The following ITGA11 variants were observed in gnomAD, a reference collection of about 807,000 sequenced individuals.
ITGA11 encodes the protein integrin alpha-11.
A neutral mutation model predicts 141.9 loss-of-function variants in ITGA11; 97 were observed. The ratio of observed to expected loss-of-function variants is 0.68; its 90% confidence interval spans 0.58 to 0.81. The LOEUF (loss-of-function observed/expected upper bound fraction) is 0.81, where lower values mean the gene tolerates loss of function less well. ITGA11 is among the 30% of genes least tolerant of loss of function. The pLI is 0.00. For missense variants in ITGA11, 1,387 were observed against 1,559.2 expected (o/e 0.89, Z 1.86); for synonymous variants, 658 against 624.6 (o/e 1.05, Z -0.80).
chr15:68,430,848 T>C (rs767291929), intron 1 of ITGA11, among the ~76,000 whole-genome samples: 4 of 152,214 alleles, frequency 2.6e-5, no homozygotes, highest in Non-Finnish European at 5.9e-5. Flanking sequence ...AGCTCCTCTG[T>C]AGGCCGACAG....
intron 14 of ITGA11, 93 bp downstream of exon 14, chr15:68,331,766 A>C: frequency 8.9e-7 from 1 of 1,124,254 alleles, no homozygotes; most frequent in African/African-American, 1.6e-5. Context: ...GCCTGGAAGA[A>C]AATCCTGAAC....
At chr15:68,388,410 A>G (rs1379619500) in intron 2 of ITGA11, among the ~76,000 whole-genome samples, 1 of 152,074 alleles carries the variant, frequency 6.6e-6, no homozygotes, top group Non-Finnish European at 1.5e-5. Flanking sequence ...CATCCTAGAC[A>G]GCCTGTATAA....
rs1420762045 is a variant in ITGA11 at position 68,297,475 on chromosome 15, G to C, written c.*5584C>G. 3 of 136,444 alleles carry C rather than the reference G, an allele frequency of 2.2e-5. No homozygotes were observed. Among genetic ancestry groups the C allele is most frequent in the Non-Finnish European group, 4.7e-5 (3 of 64,174 alleles). The allele number at this position is 136,444 out of a possible 1,614,324, so 8.5% of individuals were successfully genotyped here. A position where few individuals can be genotyped will look rare whatever the true frequency, so the allele number is the denominator to read the frequency against. On this transcript the variant is annotated 3_prime_UTR_variant, in exon 30 of 30. Transcript: ENST00000315757. The stretch of plus-strand genomic sequence containing the variant: ...TTTTATCCAAAAGAAAGCTATGTCT[G>C]GTTAGGTAAATCATACACCTGTATC...
At chr15:68,424,894 G>A (rs1358134281) in intron 1 of ITGA11, among the ~76,000 whole-genome samples, 1 of 152,188 alleles carries the variant, frequency 6.6e-6, no homozygotes, top group Admixed American at 6.5e-5. Flanking sequence ...TAATTCCATG[G>A]CTTAAAAATG....
chr15:68,396,681 C>A, intron 2 of ITGA11, among the ~76,000 whole-genome samples: 1 of 150,440 alleles, frequency 6.6e-6, no homozygotes, highest in African/African-American at 2.4e-5. Context: ...CAAAGGAATC[C>A]AAAAGGGAGT....
At chr15:68,330,108 G>A (rs1430535327) in intron 15 of ITGA11, among the ~76,000 whole-genome samples, 1 of 152,224 alleles carries the variant, frequency 6.6e-6, no homozygotes, top group Non-Finnish European at 1.5e-5. Context: ...TCTGCTTCTA[G>A]GATTGCTCCC....
intron 2 of ITGA11, among the ~76,000 whole-genome samples, chr15:68,391,691 A>C (rs955401827): frequency 6.6e-6 from 1 of 152,212 alleles, no homozygotes; most frequent in African/African-American, 2.4e-5. Context: ...TTCATGGAGA[A>C]AGTAGCCTCA....
intron 15 of ITGA11, among the ~76,000 whole-genome samples, chr15:68,329,372 G>A (rs1007511401): frequency 1.3e-5 from 2 of 152,222 alleles, no homozygotes; most frequent in Non-Finnish European, 2.9e-5. Flanking sequence ...CTTAATTGGT[G>A]TGGGTAAAGC....
chr15:68,374,473 AG>A (rs760396943), intron 2 of ITGA11, among the ~76,000 whole-genome samples: 57 of 152,180 alleles, frequency 3.7e-4, no homozygotes, highest in Non-Finnish European at 6.6e-4. Context: ...CTGAGGCCTC[AG>A]ACAGGCAGTG....
At chr15:68,386,588 T>C (rs1255729565) in intron 2 of ITGA11, among the ~76,000 whole-genome samples, 5 of 152,142 alleles carry the variant, frequency 3.3e-5, no homozygotes, top group Non-Finnish European at 7.4e-5. Flanking sequence ...AAGCTTCTAT[T>C]TCCCATTAGG....
intron 11 of ITGA11, among the ~76,000 whole-genome samples, chr15:68,338,117 C>T (rs989792501): frequency 2.6e-5 from 4 of 152,230 alleles, no homozygotes; most frequent in Non-Finnish European, 5.9e-5. Context: ...CCTTGCACCC[C>T]TTCTTTGGTT....
At position 68,400,681 on chromosome 15, in the gene ITGA11, AAATAT is replaced by A. The variant is rs1441260095; in HGVS notation, c.164+2232_164+2236del. Among the ~76,000 whole-genome samples, 3 of 56,118 alleles carry A rather than the reference AAATAT, an allele frequency of 5.3e-5. 1 individual carries two copies. Among genetic ancestry groups the A allele is most frequent in the African/African-American group, 2.8e-4 (3 of 10,734 alleles). The allele number at this position is 56,118 out of a possible 152,430, so 36.8% of individuals were successfully genotyped here. ...ATAAATATATTATATATTATATAATAAATATTATATTATATATTATATAATAAATA... is the reference window on the plus strand; with the variant it reads ...ATAAATATATTATATATTATATAATATATATTATATATTATATAATAAATA... On this transcript the variant is annotated intron_variant, in intron 2 of 29. Coordinates refer to ENST00000315757, the MANE Select transcript of ITGA11 (RefSeq NM_001004439.2).
rs868208512 is a variant in ITGA11, at chr15:68,316,023, A to G, written c.2716-296T>C. Among the ~76,000 whole-genome samples the G allele has an allele frequency of 2.6e-5, 4 of 152,242 alleles. No individual in the cohort carries two copies. In the South Asian group the frequency reaches 8.3e-4, roughly 31 times the overall value. ...CTTTTGTTTTTAGCAAAAGGCAACC[A>G]GAAAGCAGCAAGTCCAGCTCCAGAC... On this transcript the variant is annotated intron_variant, in intron 21 of 29. Coordinates refer to ENST00000315757, the MANE Select transcript of ITGA11 (RefSeq NM_001004439.2).
At position 68,431,301 on chromosome 15, in the gene ITGA11, C is replaced by T. The variant is rs530332945; in HGVS notation, c.52+714G>A. Among the ~76,000 whole-genome samples the T allele has an allele frequency of 5.9e-5, 9 of 152,342 alleles. No individual in the cohort carries two copies. The South Asian group carries it at 1.9e-3, about 32-fold the overall frequency. Reference sequence around the variant, plus strand: ...GCGTCTAGGCGACGGCGGCTTTCCCCAGATTATTGAATAATTGCATAATTC... The same window carrying T: ...GCGTCTAGGCGACGGCGGCTTTCCCTAGATTATTGAATAATTGCATAATTC... On this transcript the variant is annotated intron_variant, in intron 1 of 29. Transcript: ENST00000315757.
At position 68,325,131 on chromosome 15, in the gene ITGA11, CGA is replaced by C; in HGVS notation, c.2320_2321del (p.Ser774GlyfsTer9). 1 of 1,611,978 alleles carries C rather than the reference CGA, an allele frequency of 6.2e-7. No homozygotes were observed. Among genetic ancestry groups the C allele is most frequent in the Non-Finnish European group, 8.5e-7 (1 of 1,178,216 alleles). On this transcript the variant is annotated frameshift_variant and splice_region_variant, in exon 18 of 30. Coordinates refer to ENST00000315757, the MANE Select transcript of ITGA11 (RefSeq NM_001004439.2). LOFTEE classifies it high-confidence loss of function. This position sits in a 1 kb window ranked among gnomAD's most constrained non-coding sequence, Gnocchi z 5.5. ...GTGCGTGCCCTGTACCGAGATGTAC[CGA>C]GACTCTGAGAGTGGTGGGCCAGCCG... ...DDGWPTTLRV[S>X]VPFWNGCNED...
At position 68,303,095 on chromosome 15, in the gene ITGA11, C is replaced by T; in HGVS notation, c.3531G>A (p.Glu1177=). The T allele has an allele frequency of 6.4e-7, 1 of 1,550,944 alleles. No individual in the cohort carries two copies. The change falls in exon 30 of 30, where the codon GAG becomes GAA. Residue 1177 remains glutamate (E), a synonymous_variant. Coordinates refer to ENST00000315757, the MANE Select transcript of ITGA11 (RefSeq NM_001004439.2). This position sits in a 1 kb window ranked among gnomAD's most constrained non-coding sequence, Gnocchi z 5.3. ...GFFRSARRRR[E]PGLDPTPKVL... is the part of the protein sequence containing the mutation. ...CTTTGGGGGTGGGGTCCAGACCAGGCTCCCTCCTGCGCCTGGCACTTCTAA... is the reference window on the plus strand; with the variant it reads ...CTTTGGGGGTGGGGTCCAGACCAGGTTCCCTCCTGCGCCTGGCACTTCTAA...
intron 2 of ITGA11, among the ~76,000 whole-genome samples, chr15:68,375,318 G>A (rs1406592261): frequency 6.6e-6 from 1 of 152,230 alleles, no homozygotes; most frequent in African/African-American, 2.4e-5. Flanking sequence ...GGAGCCGAGA[G>A]CTCGAGGGAA....
At chr15:68,364,822 C>G in intron 3 of ITGA11, 24 bp from the exon 4 acceptor site, 1 of 1,604,638 alleles carries the variant, frequency 6.2e-7, no homozygotes, top group Non-Finnish European at 8.5e-7. Context: ...AGAAGTTCAG[C>G]TTGCAGCCCC....
rs531552709 is a variant in ITGA11 at position 68,322,813 on chromosome 15, G to A, written c.2323-1310C>T. Among the ~76,000 whole-genome samples the A allele has an allele frequency of 1.3e-5, 2 of 151,494 alleles. No homozygotes were observed. The highest frequency in any genetic ancestry group is 2.4e-5 in the African/African-American group (1 of 41,228). On this transcript the variant is annotated intron_variant, in intron 18 of 29. Transcript: ENST00000315757. This position sits in a 1 kb window ranked among gnomAD's most constrained non-coding sequence, Gnocchi z 5.6. ...GCAGAGGCTGCAGTGGGCCAAGATCGTGCCACTACACTCCAACCTGGGTGA... is the reference window on the plus strand; with the variant it reads ...GCAGAGGCTGCAGTGGGCCAAGATCATGCCACTACACTCCAACCTGGGTGA...
Sources: allele counts gnomAD v4.1 joint callset (sites outside exome capture counted in the v4.1 genomes callset), GRCh38; gene constraint gnomAD v4.1.1; non-coding constraint Gnocchi (gnomAD v3.1); transcripts MANE v1.5; gene names NCBI Gene and HGNC (gene_info 2026-07-23, HGNC 2026-07-21).